Variants in MUC7 observed in about 807,000 individuals in gnomAD.
MUC7 encodes the protein mucin 7, secreted.
A neutral mutation model predicts 2.5 loss-of-function variants in MUC7; 2 were observed. The observed-to-expected ratio is 0.81, with a 90% CI of 0.33 to 2.55. The LOEUF (loss-of-function observed/expected upper bound fraction) is 2.55. Ranked by LOEUF, MUC7 falls within the 30% of genes most tolerant of loss-of-function variation. MUC7 has a pLI of 0.11. For synonymous variants in MUC7, 133 were observed against 173.4 expected, an observed-to-expected ratio of 0.77 and a Z score of 1.83; for missense variants, 408 against 455.6, an observed-to-expected ratio of 0.90 and a Z score of 0.95.
intron 1 of MUC7, among the ~76,000 whole-genome samples, chr4:70,461,437 C>T (rs187355920): frequency 6.6e-6 from 1 of 152,258 alleles, no homozygotes; most frequent in African/African-American, 2.4e-5. Flanking sequence ...GTGTGTTTTA[C>T]TGATTTTCCA....
intron 1 of MUC7, among the ~76,000 whole-genome samples, chr4:70,447,142 A>T (rs1431686703): frequency 6.6e-6 from 1 of 152,164 alleles, no homozygotes; most frequent in Admixed American, 6.6e-5. Flanking sequence ...GATGTACAGA[A>T]AGCAGGGCCT....
At chr4:70,435,789 C>T (rs1733815615) in intron 1 of MUC7, among the ~76,000 whole-genome samples, 1 of 152,182 alleles carries the variant, frequency 6.6e-6, no homozygotes, top group Admixed American at 6.5e-5. Context: ...GCAGTTTCTT[C>T]CTAGCATCAA....
intron 1 of MUC7, among the ~76,000 whole-genome samples, chr4:70,450,710 C>T (rs371189639): frequency 3.3e-5 from 5 of 152,142 alleles, no homozygotes; most frequent in Admixed American, 1.3e-4. Flanking sequence ...AGCAGGTTCC[C>T]TTCTGGCCCA....
At chr4:70,458,321 C>A (rs528312539) in intron 1 of MUC7, among the ~76,000 whole-genome samples, 1 of 152,172 alleles carries the variant, frequency 6.6e-6, no homozygotes, top group South Asian at 2.1e-4. Context: ...CAGGAGACTT[C>A]ATTAGCCTGA....
chr4:70,432,432 C>T (rs915094121), intron 1 of MUC7, among the ~76,000 whole-genome samples: 2 of 152,132 alleles, frequency 1.3e-5, no homozygotes, highest in African/African-American at 4.8e-5. Context: ...TTTTAATGAT[C>T]GCCATTCTAA....
rs568512978 is a variant in MUC7, at chr4:70,477,231, G to A, written c.54+3156G>A. On this transcript the variant is annotated intron_variant, in intron 2 of 2. Transcript: ENST00000304887. ...TCAAGACCAGCCTGGCCAACATGGTGAAACCCCCATCTCTACTAAGAATAC... is the reference window on the plus strand; with the variant it reads ...TCAAGACCAGCCTGGCCAACATGGTAAAACCCCCATCTCTACTAAGAATAC... 3.5e-3 allele frequency among the ~76,000 whole-genome samples: 525 copies of A among 152,152 alleles called. 2 individuals carry two copies. Among genetic ancestry groups the A allele is most frequent in the African/African-American group, 0.012 (509 of 41,520 alleles).
chr4:70,476,383 C>T (rs745860141), intron 2 of MUC7, among the ~76,000 whole-genome samples: 2 of 152,150 alleles, frequency 1.3e-5, no homozygotes, highest in Non-Finnish European at 2.9e-5. Flanking sequence ...AGTGGCCTTT[C>T]ATCATAACTC....
chr4:70,466,435 A>C (rs1734684685), intron 1 of MUC7, among the ~76,000 whole-genome samples: 1 of 152,246 alleles, frequency 6.6e-6, no homozygotes, highest in Non-Finnish European at 1.5e-5. Flanking sequence ...TAAATGGGCT[A>C]AATGCTCCAA....
intron 1 of MUC7, among the ~76,000 whole-genome samples, chr4:70,455,532 A>G (rs973692211): frequency 6.6e-6 from 1 of 152,146 alleles, no homozygotes; most frequent in African/African-American, 2.4e-5. Context: ...GTTTATATGC[A>G]TTTCAGTGTG....
At position 70,482,066 on chromosome 4, in the gene MUC7, C is replaced by T; in HGVS notation, c.*188C>T. 1.4e-6 allele frequency: 1 copy of T among 719,328 alleles called. No individual in the cohort carries two copies. The highest frequency in any genetic ancestry group is 2.0e-5 in the South Asian group (1 of 49,252). 44.6% of individuals were successfully genotyped at this position (719,328 alleles called of 1,614,324 possible). A position where few individuals can be genotyped will look rare whatever the true frequency, so the allele number is the denominator to read the frequency against. ...ATTAACAAGACAAAATGCCTCTATCCCACAAGCCAGATGCAGGTCTGGGGT... is the reference window on the plus strand; with the variant it reads ...ATTAACAAGACAAAATGCCTCTATCTCACAAGCCAGATGCAGGTCTGGGGT... On this transcript the variant is annotated 3_prime_UTR_variant, in exon 3 of 3. Transcript: ENST00000304887.
At chr4:70,443,030 T>C (rs1237165722) in intron 1 of MUC7, among the ~76,000 whole-genome samples, 1 of 152,160 alleles carries the variant, frequency 6.6e-6, no homozygotes, top group African/African-American at 2.4e-5. Context: ...TCTTCTTTCA[T>C]CCCCAAACTC....
At chr4:70,460,249 A>C (rs1232049613) in intron 1 of MUC7, among the ~76,000 whole-genome samples, 1 of 152,200 alleles carries the variant, frequency 6.6e-6, no homozygotes, top group East Asian at 1.9e-4. Context: ...AGAAGATTAA[A>C]TTGTGAGGTA....
chr4:70,473,998 T>C lies in MUC7; in HGVS notation c.-15-9T>C, dbSNP rs370806082. On this transcript the variant is annotated splice_polypyrimidine_tract_variant and intron_variant, in intron 1 of 2. Coordinates refer to ENST00000304887, the MANE Select transcript of MUC7 (RefSeq NM_152291.3). ...AACTAATAGTACGCCACATTTCTGC[T>C]TTTCCCAGGAGACATCAGAAAGAAT... 47 of 1,602,050 alleles carry C rather than the reference T, an allele frequency of 2.9e-5. No individual in the cohort carries two copies. Among genetic ancestry groups the C allele is most frequent in the Non-Finnish European group, 6.0e-6 (7 of 1,171,180 alleles).
Position 70,481,310 on chromosome 4 carries a change from C to T in MUC7, c.566C>T (p.Thr189Ile). ...PPSSSAPPET[T>I]AAPPTPSATT... ...TCTTCCTCAGCTCCACCAGAGACCA[C>T]AGCTGCCCCACCCACACCTTCTGCA... is the stretch of plus-strand genomic sequence containing the variant. Residue 189 changes from threonine (T) to isoleucine (I), a missense_variant, in exon 3 of 3, where the codon ACA (threonine) becomes ATA (isoleucine). By Grantham distance (89) the Thr-to-Ile change is moderately conservative (BLOSUM62 -1). Coordinates refer to ENST00000304887, the MANE Select transcript of MUC7 (RefSeq NM_152291.3). 1 of 1,612,674 alleles carries T rather than the reference C, an allele frequency of 6.2e-7. No individual in the cohort carries two copies. The highest frequency in any genetic ancestry group is 8.5e-7 in the Non-Finnish European group (1 of 1,179,288).
intron 1 of MUC7, among the ~76,000 whole-genome samples, chr4:70,446,262 T>C (rs1343790362): frequency 6.6e-6 from 1 of 152,214 alleles, no homozygotes; most frequent in Non-Finnish European, 1.5e-5. Context: ...GGATATTACT[T>C]ACTAAGAAAC....
At position 70,480,957 on chromosome 4, in the gene MUC7, G is replaced by A. The variant is rs773554654; in HGVS notation, c.213G>A (p.Arg71=). Residue 71 remains arginine (R), a synonymous_variant, in exon 3 of 3, where the codon AGG becomes AGA. Coordinates refer to ENST00000304887, the MANE Select transcript of MUC7 (RefSeq NM_152291.3). ...KSYKCLHKRC[R]PKLPPSPNNP... The stretch of plus-strand genomic sequence containing the variant: ...ATAAATGTCTGCACAAACGCTGTAG[G>A]CCTAAGCTTCCACCTTCACCTAATA... The A allele has an allele frequency of 1.2e-6, 2 of 1,613,882 alleles. No individual in the cohort carries two copies. The highest frequency in any genetic ancestry group is 1.7e-6 in the Non-Finnish European group (2 of 1,180,000).
intron 2 of MUC7, among the ~76,000 whole-genome samples, chr4:70,480,053 T>A (rs140396364): frequency 6.6e-6 from 1 of 152,344 alleles, no homozygotes; most frequent in African/African-American, 2.4e-5. Context: ...TTGGACTGGA[T>A]CAGTGTTCTT....
At chr4:70,450,437 A>T (rs766905345) in intron 1 of MUC7, among the ~76,000 whole-genome samples, 3 of 152,172 alleles carry the variant, frequency 2.0e-5, no homozygotes, top group Non-Finnish European at 4.4e-5. Flanking sequence ...GCCTAGAGCC[A>T]AGCTTTGTGG....
chr4:70,459,868 G>A (rs1477132202), intron 1 of MUC7, among the ~76,000 whole-genome samples: 1 of 152,162 alleles, frequency 6.6e-6, no homozygotes, highest in Non-Finnish European at 1.5e-5. Flanking sequence ...ACCACTTCCT[G>A]TAACAAGCAA....
Sources: gnomAD v4.1 joint callset for allele counts (sites outside exome capture counted in the v4.1 genomes callset) on GRCh38, gnomAD v4.1.1 for gene constraint, MANE v1.5 for transcripts, NCBI Gene and HGNC (gene_info 2026-07-23, HGNC 2026-07-21) for gene names.